TTC29: variants seen among roughly 807,000 people sequenced by gnomAD.
The protein encoded by TTC29 is tetratricopeptide repeat protein 29.
Under a neutral mutation model 58.1 loss-of-function variants are expected in TTC29, and 49 were observed. The observed-to-expected ratio is 0.84, with a 90% CI of 0.67 to 1.07. TTC29 has a LOEUF of 1.07. Among genes scored for constraint, TTC29 ranks in the 50% least tolerant of loss-of-function variants. TTC29 has a pLI of 0.00. For synonymous variants in TTC29, 209 were observed against 196.8 expected, an observed-to-expected ratio of 1.06 and a Z score of -0.52; for missense variants, 582 against 555.6, an observed-to-expected ratio of 1.05 and a Z score of -0.48.
At chr4:146,934,684 G>C (rs1488338977) in intron 4 of TTC29, among the ~76,000 whole-genome samples, 1 of 151,768 alleles carries the variant, frequency 6.6e-6, no homozygotes, top group Non-Finnish European at 1.5e-5. Flanking sequence ...AGAGAAAGCA[G>C]CCTGCAAAGA....
At chr4:146,771,349 T>G (rs917329833) in intron 11 of TTC29, among the ~76,000 whole-genome samples, 1 of 152,048 alleles carries the variant, frequency 6.6e-6, no homozygotes, top group African/African-American at 2.4e-5. Context: ...TACAGATTAT[T>G]TTGTCACCCA....
At chr4:146,896,840 T>A (rs1170893548) in intron 6 of TTC29, among the ~76,000 whole-genome samples, 1 of 152,170 alleles carries the variant, frequency 6.6e-6, no homozygotes, top group Non-Finnish European at 1.5e-5. Context: ...TTGAATGCCT[T>A]CCTGATTTTA....
chr4:146,858,768 G>C (rs1730039065), intron 8 of TTC29, among the ~76,000 whole-genome samples: 1 of 152,184 alleles, frequency 6.6e-6, no homozygotes, highest in Non-Finnish European at 1.5e-5. Context: ...TCTTACAGAA[G>C]AGGAAACTAA....
At chr4:146,780,699 C>T (rs1480069896) in intron 11 of TTC29, among the ~76,000 whole-genome samples, 1 of 151,064 alleles carries the variant, frequency 6.6e-6, no homozygotes, top group Non-Finnish European at 1.5e-5. Context: ...CACACACACA[C>T]ATATATATAA....
At chr4:146,867,753 A>C (rs551962499) in intron 7 of TTC29, among the ~76,000 whole-genome samples, 170 bp from the exon 8 acceptor site, 68 of 152,256 alleles carry the variant, frequency 4.5e-4, no homozygotes, top group African/African-American at 1.6e-3. Context: ...ATGTAAACAC[A>C]ATTTACCTGG....
At chr4:146,819,137 A>T (rs1031048505) in intron 10 of TTC29, among the ~76,000 whole-genome samples, 23 of 150,948 alleles carry the variant, frequency 1.5e-4, no homozygotes, top group Non-Finnish European at 3.0e-4. Flanking sequence ...AATAAATAAT[A>T]AAAAAATAAA....
intron 11 of TTC29, among the ~76,000 whole-genome samples, chr4:146,757,012 C>T (rs1746503595): frequency 6.6e-6 from 1 of 152,106 alleles, no homozygotes; most frequent in South Asian, 2.1e-4. Context: ...AATAACTAAC[C>T]TCCTGAATTC....
intron 11 of TTC29, among the ~76,000 whole-genome samples, chr4:146,737,590 T>C (rs974516885): frequency 1.1e-5 from 1 of 93,976 alleles, no homozygotes; most frequent in East Asian, 2.9e-4. Flanking sequence ...CTAGTAGCCC[T>C]GGGGGGGGGG....
chr4:146,851,215 T>C (rs1157504856), intron 8 of TTC29, among the ~76,000 whole-genome samples: 1 of 152,358 alleles, frequency 6.6e-6, no homozygotes, highest in East Asian at 1.9e-4. Flanking sequence ...TGTTAACTTA[T>C]TTAATCCTCA....
intron 8 of TTC29, among the ~76,000 whole-genome samples, chr4:146,851,602 A>T (rs1729520496): frequency 6.6e-6 from 1 of 152,220 alleles, no homozygotes; most frequent in African/African-American, 2.4e-5. Context: ...GCAAATTTGC[A>T]TCTGCAGCAA....
intron 11 of TTC29, among the ~76,000 whole-genome samples, chr4:146,795,692 T>C (rs974753628): frequency 6.6e-6 from 1 of 152,182 alleles, no homozygotes; most frequent in African/African-American, 2.4e-5. Flanking sequence ...CACATGTGCC[T>C]TTAATGTGTT....
intron 8 of TTC29, among the ~76,000 whole-genome samples, chr4:146,839,044 T>G (rs1018765025): frequency 6.6e-6 from 1 of 151,942 alleles, no homozygotes; most frequent in South Asian, 2.1e-4. Flanking sequence ...TTAAAAAAGT[T>G]TAAAGACCAC....
intron 11 of TTC29, among the ~76,000 whole-genome samples, chr4:146,796,322 C>A (rs1421219906): frequency 6.6e-6 from 1 of 151,956 alleles, no homozygotes; most frequent in Non-Finnish European, 1.5e-5. Flanking sequence ...TAAGAATTTT[C>A]TCAGAAAGCT....
intron 8 of TTC29, among the ~76,000 whole-genome samples, chr4:146,848,682 T>C (rs1729328222): frequency 6.6e-6 from 1 of 152,188 alleles, no homozygotes; most frequent in South Asian, 2.1e-4. Flanking sequence ...TTATCAATAC[T>C]TAGACATTGA....
chr4:146,790,135 A>C (rs1282459922), intron 11 of TTC29, among the ~76,000 whole-genome samples: 3 of 151,816 alleles, frequency 2.0e-5, no homozygotes, highest in Non-Finnish European at 4.4e-5. Flanking sequence ...GACTCCTCAA[A>C]ACCTTCTATT....
In TTC29 at chr4:146,706,912, G is replaced by C; in HGVS notation, c.*246C>G. ...ATTTCTTGTGGAATAGTGGATAAGA[G>C]GAAATCATTTATTTCATGGATGATT... On this transcript the variant is annotated 3_prime_UTR_variant, in exon 13 of 13. Transcript: ENST00000325106. 6.0e-6 allele frequency: 2 copies of C among 333,380 alleles called. No homozygotes were observed. The highest frequency in any genetic ancestry group is 1.1e-5 in the Non-Finnish European group (2 of 185,642). The allele number at this position is 333,380 out of a possible 1,614,324, so 20.7% of individuals were successfully genotyped here.
At chr4:146,895,432 C>T (rs1303117850) in intron 6 of TTC29, among the ~76,000 whole-genome samples, 1 of 152,124 alleles carries the variant, frequency 6.6e-6, no homozygotes, top group African/African-American at 2.4e-5. Flanking sequence ...TTTAGTCTTC[C>T]TTGAGGGGAC....
At chr4:146,892,225 T>G (rs945759079) in intron 6 of TTC29, among the ~76,000 whole-genome samples, 3 of 152,122 alleles carry the variant, frequency 2.0e-5, no homozygotes, top group African/African-American at 7.2e-5. Context: ...CTCTACCATT[T>G]GAAGATGTGC....
chr4:146,855,196 A>G (rs1729762079), intron 8 of TTC29, among the ~76,000 whole-genome samples: 1 of 151,906 alleles, frequency 6.6e-6, no homozygotes, highest in Admixed American at 6.6e-5. Context: ...ACTTTGGGAG[A>G]CTGAGGCAGG....
Sources: allele counts gnomAD v4.1 joint callset (sites outside exome capture counted in the v4.1 genomes callset), GRCh38; gene constraint gnomAD v4.1.1; transcripts MANE v1.5; gene names NCBI Gene and HGNC (gene_info 2026-07-23, HGNC 2026-07-21).